Variants in STPG2 observed in about 807,000 individuals in gnomAD.
The protein encoded by STPG2 is sperm tail PG-rich repeat containing 2.
Under a neutral mutation model 54.2 loss-of-function variants are expected in STPG2, and 56 were observed. The observed-to-expected ratio is 1.03, with a 90% confidence interval of 0.83 to 1.29. STPG2 has a LOEUF of 1.29. Ranked by LOEUF, STPG2 falls within the 50% of genes most tolerant of loss-of-function variation. STPG2 has a pLI of 0.00. For synonymous variants in STPG2, 200 were observed against 181.8 expected, an observed-to-expected ratio of 1.10 and a Z score of -0.81; for missense variants, 596 against 544.9, an observed-to-expected ratio of 1.09 and a Z score of -0.93.
At chr4:98,031,902 CT>C (rs1736612370) in intron 5 of STPG2, among the ~76,000 whole-genome samples, 1 of 151,898 alleles carries the variant, frequency 6.6e-6, no homozygotes. Flanking sequence ...AAAAAGTGGG[CT>C]AAGGACATGA....
chr4:97,988,153 T>C (rs1863602), intron 5 of STPG2, among the ~76,000 whole-genome samples: 39,899 of 151,848 alleles, frequency 0.26, 5,706 homozygotes, highest in Middle Eastern at 0.36. Flanking sequence ...GGCATATATC[T>C]GCTTCACGAC....
intron 9 of STPG2, among the ~76,000 whole-genome samples, chr4:97,736,562 G>A (rs960306048): frequency 3.9e-5 from 6 of 152,140 alleles, no homozygotes; most frequent in Non-Finnish European, 7.3e-5. Flanking sequence ...ATTATATCCC[G>A]CACCTGGCTC....
chr4:97,851,386 T>C (rs1238812345), intron 8 of STPG2, among the ~76,000 whole-genome samples: 1 of 152,200 alleles, frequency 6.6e-6, no homozygotes, highest in Non-Finnish European at 1.5e-5. Context: ...TGTTTAGCCT[T>C]GTTGTTAAGT....
chr4:97,639,584 G>T (rs982430507), intron 10 of STPG2, among the ~76,000 whole-genome samples: 3 of 151,336 alleles, frequency 2.0e-5, no homozygotes, highest in African/African-American at 7.3e-5. Context: ...GATATTTAAT[G>T]AATTAAAATG....
chr4:97,960,361 A>T (rs946393739), intron 7 of STPG2, among the ~76,000 whole-genome samples: 2 of 152,134 alleles, frequency 1.3e-5, no homozygotes, highest in Admixed American at 1.3e-4. Flanking sequence ...CAATCAGACA[A>T]CAGAAAGAAA....
At chr4:97,596,589 CTG>C (rs1468509706) in intron 10 of STPG2, among the ~76,000 whole-genome samples, 1 of 151,920 alleles carries the variant, frequency 6.6e-6, no homozygotes, top group Admixed American at 6.6e-5. Context: ...ACAATAAAAA[CTG>C]AAATAGATAG....
intron 4 of STPG2, among the ~76,000 whole-genome samples, chr4:97,456,929 T>C (rs1474588981): frequency 8.5e-6 from 1 of 117,766 alleles, no homozygotes; most frequent in Non-Finnish European, 1.6e-5. Flanking sequence ...AAAAAAAAGA[T>C]GGGTAAAATA....
intron 5 of STPG2, among the ~76,000 whole-genome samples, chr4:98,005,906 T>C (rs1353435932): frequency 1.3e-5 from 2 of 152,202 alleles, no homozygotes; most frequent in South Asian, 4.1e-4. Context: ...AATGGTTCCC[T>C]CTTTTTCCAT....
chr4:97,943,858 C>G (rs1733095237), intron 8 of STPG2, 39 bp downstream of exon 8: 1 of 1,423,072 alleles, frequency 7.0e-7, no homozygotes, highest in South Asian at 1.4e-5. Flanking sequence ...TCCATGATTT[C>G]TAGATAATGA....
chr4:97,987,605 C>A (rs1233837775), intron 5 of STPG2, among the ~76,000 whole-genome samples: 1 of 151,810 alleles, frequency 6.6e-6, no homozygotes, highest in East Asian at 1.9e-4. Context: ...TGATAAGTAC[C>A]TTTTATACTT....
intron 5 of STPG2, chr4:98,026,058 T>C: frequency 2.7e-6 from 3 of 1,111,006 alleles, no homozygotes; most frequent in Non-Finnish European, 4.0e-6. Flanking sequence ...TCTCAATACA[T>C]AAAGAACAGA....
In STPG2 at chr4:97,505,752, T is replaced by C. The variant is rs1019419118; in HGVS notation, c.462+206947A>G. ...TAACCTAACTACAGGTCAGTACTAC[T>C]ATATTGTGCAACTCCAGGAGGCATG... On this transcript the variant is annotated intron_variant, in intron 4 of 4. Transcript: ENST00000522676. Among the ~76,000 whole-genome samples, 7 of 151,920 alleles carry C rather than the reference T, an allele frequency of 4.6e-5. No homozygotes were observed. In the South Asian group the frequency reaches 1.0e-3, roughly 22 times the overall value.
At chr4:97,499,291 T>C (rs1730676233) in intron 4 of STPG2, among the ~76,000 whole-genome samples, 2 of 151,946 alleles carry the variant, frequency 1.3e-5, no homozygotes, top group South Asian at 2.1e-4. Context: ...CCACATCTCA[T>C]AGCATGAATT....
chr4:97,604,291 A>G (rs1465240574), intron 10 of STPG2, among the ~76,000 whole-genome samples: 2 of 151,720 alleles, frequency 1.3e-5, no homozygotes, highest in Non-Finnish European at 3.0e-5. Flanking sequence ...GTATATCCAC[A>G]TTGAATTGAA....
At chr4:97,778,279 C>T (rs897782365) in intron 9 of STPG2, among the ~76,000 whole-genome samples, 1 of 151,852 alleles carries the variant, frequency 6.6e-6, no homozygotes, top group Non-Finnish European at 1.5e-5. Context: ...CCATGCCTGG[C>T]TCGGAGGGTC....
intron 7 of STPG2, among the ~76,000 whole-genome samples, chr4:97,958,075 GA>G (rs1733745906): frequency 6.6e-6 from 1 of 152,144 alleles, no homozygotes; most frequent in Non-Finnish European, 1.5e-5. Context: ...TTGGGAGGCA[GA>G]GGGGGGACAG....
chr4:97,992,389 G>A (rs1735051143), intron 5 of STPG2, among the ~76,000 whole-genome samples: 1 of 152,066 alleles, frequency 6.6e-6, no homozygotes, highest in Non-Finnish European at 1.5e-5. Flanking sequence ...TGTTTGCTTT[G>A]TCAAAGATCA....
chr4:97,525,647 AT>A (rs1310827587), intron 4 of STPG2, among the ~76,000 whole-genome samples: 2 of 152,052 alleles, frequency 1.3e-5, no homozygotes, highest in African/African-American at 4.8e-5. Flanking sequence ...GTACATGTGA[AT>A]AAGCAGGAAA....
chr4:97,988,268 G>C (rs1330894354), intron 5 of STPG2, among the ~76,000 whole-genome samples: 1 of 151,856 alleles, frequency 6.6e-6, no homozygotes, highest in African/African-American at 2.4e-5. Flanking sequence ...TCATTTCCAG[G>C]CCACCTAATC....
Sources: gnomAD v4.1 joint callset for allele counts (sites outside exome capture counted in the v4.1 genomes callset) on GRCh38, gnomAD v4.1.1 for gene constraint, MANE v1.5 for transcripts, NCBI Gene and HGNC (gene_info 2026-07-23, HGNC 2026-07-21) for gene names.